The following CLCN7 variants were observed in gnomAD, a reference collection of about 807,000 sequenced individuals.
CLCN7 encodes the protein H(+)/Cl(-) exchange transporter 7.
In CLCN7, 60 loss-of-function variants were observed where a neutral mutation model predicts 102.1. The ratio of observed to expected loss-of-function variants is 0.59; its 90% CI spans 0.48 to 0.73. The LOEUF is 0.73. Among genes scored for constraint, CLCN7 ranks in the 30% least tolerant of loss-of-function variants. The pLI is 0.00. For synonymous variants in CLCN7, 560 were observed against 490.5 expected, an observed-to-expected ratio of 1.14 and a Z score of -1.87; for missense variants, 962 against 1,125.7, an observed-to-expected ratio of 0.85 and a Z score of 2.08.
Position 1,456,300 on chromosome 16 carries a change from G to C in CLCN7, c.823-94C>G, listed in dbSNP as rs1238840540. 4 of 932,424 alleles carry C rather than the reference G, an allele frequency of 4.3e-6. No homozygotes were observed. The Admixed American group carries it at 6.0e-5, about 14-fold the overall frequency. 57.8% of individuals were successfully genotyped at this position (932,424 alleles called of 1,614,324 possible). A position where few individuals can be genotyped will look rare whatever the true frequency, so the allele number is the denominator to read the frequency against. Reference sequence around the variant, plus strand: ...CTGCCAGGACAGGGGCTGTGCAGGGGAAGGGGCTTTCAGGACAACCGAGTC... The same window carrying C: ...CTGCCAGGACAGGGGCTGTGCAGGGCAAGGGGCTTTCAGGACAACCGAGTC... On this transcript the variant is annotated intron_variant, in intron 9 of 24. Transcript: ENST00000382745.
chr16:1,448,472 G>A lies in CLCN7; in HGVS notation c.1896C>T (p.Ser632=), dbSNP rs1343317963. The A allele has an allele frequency of 1.2e-6, 2 of 1,610,308 alleles. No individual in the cohort carries two copies. Among genetic ancestry groups the A allele is most frequent in the Admixed American group, 1.7e-5 (1 of 60,016 alleles). ...GCCGCCTCAGGCAGGTCACTGGTGT[G>A]CTCATCACCTCCCTGCCGGAGGAGC... The part of the protein sequence containing the change: ...SHSLTAREVM[S]TPVTCLRRRE... Residue 632 remains serine, a synonymous_variant, in exon 21 of 25, where the codon AGC becomes AGT. Transcript: ENST00000382745.
intron 6 of CLCN7, among the ~76,000 whole-genome samples, chr16:1,459,920 C>G (rs111270439): frequency 1.9e-3 from 159 of 83,046 alleles, no homozygotes; most frequent in Middle Eastern, 9.4e-3. Context: ...GCAGCACACA[C>G]GTCGGGGCCT....
chr16:1,462,672 A>AAAC, intron 2 of CLCN7, among the ~76,000 whole-genome samples: 2 of 139,464 alleles, frequency 1.4e-5, no homozygotes, highest in African/African-American at 2.7e-5. Flanking sequence ...AGCCAAAAAA[A>AAAC]AAAAAAAAAA....
At chr16:1,455,049 G>C (rs1052987779) in intron 12 of CLCN7, 85 bp downstream of exon 12, 36 of 853,060 alleles carry the variant, frequency 4.2e-5, no homozygotes, top group Non-Finnish European at 7.2e-5. Flanking sequence ...TTTTCTAAAG[G>C]ACCAAATTCT....
intron 24 of CLCN7, 74 bp downstream of exon 24, chr16:1,446,932 C>T: frequency 1.4e-6 from 2 of 1,392,374 alleles, no homozygotes; most frequent in African/African-American, 1.4e-5. Context: ...CTGCCGGGAG[C>T]TGAGAGTAAG....
rs1187107214 is a variant in CLCN7, at chr16:1,456,184, T to C, written c.845A>G (p.Asp282Gly). ...DFKIFEYFRRDTEKRDFVSAG... is the reference protein window; with the variant it reads ...DFKIFEYFRRGTEKRDFVSAG... ...GGAGACGAAGTCCCGCTTCTCTGTG[T>C]CTCTGCGGAAGTACTCGAAGATCTG... The change falls in exon 10 of 25, where the codon GAC (aspartate) becomes GGC (glycine). Residue 282 changes from aspartate to glycine, a missense_variant. Physicochemically the swap from Asp to Gly is moderately conservative, Grantham distance 94 (BLOSUM62 -1). Transcript: ENST00000382745. 1 of 1,567,636 alleles carries C rather than the reference T, an allele frequency of 6.4e-7. No individual in the cohort carries two copies. Among genetic ancestry groups the C allele is most frequent in the Non-Finnish European group, 8.7e-7 (1 of 1,155,448 alleles).
chr16:1,459,956 T>TCAGGGAAGGGGAGAGCAGCACACATG (rs2038906367), intron 6 of CLCN7, among the ~76,000 whole-genome samples: 1 of 35,414 alleles, frequency 2.8e-5, no homozygotes, highest in African/African-American at 1.2e-4. Flanking sequence ...CAGCACACAC[T>TCAGGGAAGGGGAGAGCAGCACACATG]TCGGGGCCCC....
chr16:1,467,317 C>A (rs2039018588), intron 1 of CLCN7, among the ~76,000 whole-genome samples: 1 of 152,214 alleles, frequency 6.6e-6, no homozygotes, highest in South Asian at 2.1e-4. Flanking sequence ...AGGGCGCCTG[C>A]CCCTCCTCTT....
intron 6 of CLCN7, among the ~76,000 whole-genome samples, chr16:1,460,029 G>A (rs531331094): frequency 1.1e-4 from 16 of 152,122 alleles, no homozygotes; most frequent in African/African-American, 3.6e-4. Context: ...CACACACGTT[G>A]GGGCCCCAGG....
At chr16:1,456,238 G>A (rs1253492548) in intron 9 of CLCN7, 32 bp from the exon 10 acceptor site, 1 of 1,506,212 alleles carries the variant, frequency 6.6e-7, no homozygotes, top group Non-Finnish European at 9.0e-7. Flanking sequence ...GTCGGGGCAG[G>A]TTCCTTGAGG....
intron 21 of CLCN7, 68 bp from the exon 22 acceptor site, chr16:1,447,782 G>A (rs377652961): frequency 2.5e-5 from 37 of 1,501,904 alleles, no homozygotes; most frequent in Middle Eastern, 1.9e-4. Context: ...ATGCTGTGTC[G>A]GGCCCCGCTC....
At chr16:1,456,250 CA>C in intron 9 of CLCN7, 44 bp from the exon 10 acceptor site, 2 of 1,445,288 alleles carry the variant, frequency 1.4e-6, no homozygotes, top group Non-Finnish European at 1.9e-6. Flanking sequence ...TCCTTGAGGG[CA>C]CGGCTCTCAG....
At position 1,457,845 on chromosome 16, in the gene CLCN7, C is replaced by G. The variant is rs556184632; in HGVS notation, c.676-89G>C. 3.8e-6 allele frequency: 5 copies of G among 1,329,514 alleles called. No individual in the cohort carries two copies. The South Asian group carries it at 4.7e-5, about 13-fold the overall frequency. The allele number at this position is 1,329,514 out of a possible 1,614,324, so 82.4% of individuals were successfully genotyped here. A position where few individuals can be genotyped will look rare whatever the true frequency, so the allele number is the denominator to read the frequency against. On this transcript the variant is annotated intron_variant, in intron 7 of 24. Transcript: ENST00000382745. The surrounding 1 kb of genome is among the most constrained non-coding windows in gnomAD (Gnocchi z 5.4). Reference sequence around the variant, plus strand: ...GTAAAACAGCACACACAGCCCCGATCAGGCAGAGTGGCTGGGACACGGGGC... The same window carrying G: ...GTAAAACAGCACACACAGCCCCGATGAGGCAGAGTGGCTGGGACACGGGGC...
chr16:1,447,516 T>TTCAGCC lies in CLCN7; in HGVS notation c.2120_2125dup (p.Arg707_Leu708dup), dbSNP rs1834559620. The TTCAGCC allele has an allele frequency of 9.6e-6, 15 of 1,555,624 alleles. No individual in the cohort carries two copies. Among genetic ancestry groups the TTCAGCC allele is most frequent in the Non-Finnish European group, 1.2e-5 (14 of 1,149,970 alleles). On this transcript the variant is annotated inframe_insertion, in exon 23 of 25. Coordinates refer to ENST00000382745, the MANE Select transcript of CLCN7 (RefSeq NM_001287.6). ...GCGCGGGTAGGCGTCTCGGAAGTCC[T>TTCAGCC]TCAGCCTCAGGCGCCGCTGTACCAG...
chr16:1,453,846 A>G lies in CLCN7; in HGVS notation c.1202T>C (p.Met401Thr), dbSNP rs1259621965. 4 of 1,613,260 alleles carry G rather than the reference A, an allele frequency of 2.5e-6. No homozygotes were observed. Among genetic ancestry groups the G allele is most frequent in the East Asian group, 2.2e-5 (1 of 44,894 alleles). ...GGTTTCTCCTCACCTGATTCGAAAC[A>G]TGGTCAGCCAGTAGTTCAAGGCATT... ...VFNALNYWLT[M>T]FRIRYIHRPC... The change falls in exon 14 of 25, where the codon ATG (methionine) becomes ACG (threonine). Residue 401 changes from methionine (M) to threonine (T), a missense_variant. Physicochemically the swap from Met to Thr is moderately conservative, Grantham distance 81. This residue lies in a region of CLCN7 where 799 missense variants were observed against 988.0 expected (regional missense o/e 0.81). Transcript: ENST00000382745.
chr16:1,453,241 G>A (rs1271047309), intron 14 of CLCN7, among the ~76,000 whole-genome samples: 1 of 151,982 alleles, frequency 6.6e-6, no homozygotes, highest in Non-Finnish European at 1.5e-5. Context: ...TAGAACTCCC[G>A]ACCTCAGGTG....
Position 1,448,480 on chromosome 16 carries a change from C to A in CLCN7, c.1888G>T (p.Val630Leu), listed in dbSNP as rs751747803. ...AGGCAGGTCACTGGTGTGCTCATCA[C>A]CTCCCTGCCGGAGGAGCCCGGCCAC... ...VTSHSLTARE[V>L]MSTPVTCLRR... The change falls in exon 21 of 25, where the codon GTG (valine) becomes TTG (leucine). Residue 630 changes from valine to leucine, a missense_variant. This residue lies in a region of CLCN7 where 799 missense variants were observed against 988.0 expected (regional missense o/e 0.81). Transcript: ENST00000382745. 1.9e-6 allele frequency: 3 copies of A among 1,609,608 alleles called. No homozygotes were observed. The highest frequency in any genetic ancestry group is 1.3e-5 in the African/African-American group (1 of 75,056).
intron 1 of CLCN7, among the ~76,000 whole-genome samples, chr16:1,474,610 G>A (rs2039125491): frequency 6.6e-6 from 1 of 152,108 alleles, no homozygotes; most frequent in Non-Finnish European, 1.5e-5. Flanking sequence ...CGCCCACGCA[G>A]CCCTCCCGGC....
At position 1,446,413 on chromosome 16, in the gene CLCN7, G is replaced by A. The variant is rs2038642092; in HGVS notation, c.*218C>T. ...GACGAGGAGAGTGGAGGCTGGGCCT[G>A]CGCAAGGAGGCGCCAAGGGGGGAGA... On this transcript the variant is annotated 3_prime_UTR_variant, in exon 25 of 25. Transcript: ENST00000382745. 2.8e-6 allele frequency: 2 copies of A among 702,528 alleles called. No individual in the cohort carries two copies. The highest frequency in any genetic ancestry group is 5.2e-6 in the Non-Finnish European group (2 of 385,078). 43.5% of individuals were successfully genotyped at this position (702,528 alleles called of 1,614,324 possible).
Sources: allele counts gnomAD v4.1 joint callset (sites outside exome capture counted in the v4.1 genomes callset), GRCh38; gene constraint gnomAD v4.1.1; regional missense constraint gnomAD v4.1.1; non-coding constraint Gnocchi (gnomAD v3.1); transcripts MANE v1.5; gene names NCBI Gene and HGNC (gene_info 2026-07-23, HGNC 2026-07-21).